The following EPHA3 variants were observed in gnomAD, a reference collection of about 807,000 sequenced individuals.
EPHA3 encodes the protein ephrin type-A receptor 3.
A neutral mutation model predicts 107.1 loss-of-function variants in EPHA3; 42 were observed. That is an observed-to-expected ratio of 0.39 (90% CI 0.31 to 0.51). The LOEUF (loss-of-function observed/expected upper bound fraction) is 0.51. Ranked by LOEUF, EPHA3 falls within the 20% of genes least tolerant of loss-of-function variation. EPHA3 has a pLI of 0.78. For missense variants in EPHA3, 1,183 were observed against 1,211.2 expected (o/e 0.98, Z 0.35); for synonymous variants, 461 against 424.8 (o/e 1.09, Z -1.05).
intron 1 of EPHA3, among the ~76,000 whole-genome samples, chr3:89,121,330 T>C (rs1289873577): frequency 2.6e-5 from 4 of 152,252 alleles, no homozygotes; most frequent in Non-Finnish European, 4.4e-5. Context: ...ATTTCTGTGA[T>C]ATAAAATGCT....
At chr3:89,183,310 T>C (rs1705486890) in intron 2 of EPHA3, among the ~76,000 whole-genome samples, 2 of 151,964 alleles carry the variant, frequency 1.3e-5, no homozygotes, top group African/African-American at 4.8e-5. Context: ...CTGTCTCACA[T>C]GCTTCATTGA....
At chr3:89,249,559 C>T (rs1220414784) in intron 3 of EPHA3, among the ~76,000 whole-genome samples, 12 of 152,206 alleles carry the variant, frequency 7.9e-5, no homozygotes, top group Middle Eastern at 3.4e-3. Flanking sequence ...CTCCTGGGCT[C>T]GAGCAATTCC....
At chr3:89,131,161 AAG>A (rs928341697) in intron 2 of EPHA3, among the ~76,000 whole-genome samples, 5 of 128,334 alleles carry the variant, frequency 3.9e-5, no homozygotes, top group Admixed American at 3.6e-4. Flanking sequence ...TTTTCAATGA[AAG>A]AGTTTTATTT....
At chr3:89,195,000 C>T (rs1336292947) in intron 2 of EPHA3, among the ~76,000 whole-genome samples, 1 of 152,082 alleles carries the variant, frequency 6.6e-6, no homozygotes, top group Admixed American at 6.6e-5. Flanking sequence ...ACAAGCATTT[C>T]ATAATACAGT....
intron 5 of EPHA3, among the ~76,000 whole-genome samples, chr3:89,389,971 C>T (rs534079763): frequency 3.3e-5 from 5 of 152,218 alleles, no homozygotes; most frequent in South Asian, 2.1e-4. Context: ...CTCTACTTCT[C>T]GGCTGAGGTT....
At chr3:89,260,527 GT>G (rs1488940885) in intron 3 of EPHA3, among the ~76,000 whole-genome samples, 2 of 151,884 alleles carry the variant, frequency 1.3e-5, no homozygotes, top group African/African-American at 4.8e-5. Flanking sequence ...TTTAAATCAG[GT>G]TATTTATTTT....
chr3:89,369,323 C>T (rs1708247418), intron 5 of EPHA3, among the ~76,000 whole-genome samples: 3 of 150,606 alleles, frequency 2.0e-5, no homozygotes, highest in African/African-American at 7.3e-5. Flanking sequence ...TGGAACAGAA[C>T]AGAGCCCTCA....
rs570456317 is a variant in EPHA3 at position 89,220,078 on chromosome 3, C to T, written c.814+9558C>T. ...TGGCACCTCCTGTTTAGATGCCACA[C>T]ATGTTGCTAAATATCCTACAATGCA... On this transcript the variant is annotated intron_variant, in intron 3 of 16. Coordinates refer to ENST00000336596, the MANE Select transcript of EPHA3 (RefSeq NM_005233.6). Among the ~76,000 whole-genome samples, 3 of 152,202 alleles carry T rather than the reference C, an allele frequency of 2.0e-5. No individual in the cohort carries two copies. In the East Asian group the frequency reaches 5.8e-4, roughly 30 times the overall value.
At chr3:89,438,305 G>A (rs1419948421) in intron 13 of EPHA3, among the ~76,000 whole-genome samples, 1 of 151,918 alleles carries the variant, frequency 6.6e-6, no homozygotes, top group Non-Finnish European at 1.5e-5. Flanking sequence ...TAGAGACGGG[G>A]TTTCACCATG....
At chr3:89,291,076 C>A (rs1334034967) in intron 3 of EPHA3, among the ~76,000 whole-genome samples, 5 of 152,122 alleles carry the variant, frequency 3.3e-5, no homozygotes, top group African/African-American at 7.2e-5. Flanking sequence ...ATGTTTGACT[C>A]ATCACTGGAA....
Position 89,357,000 on chromosome 3 carries a change from C to T in EPHA3, c.1306+14910C>T, listed in dbSNP as rs773245564. ...TTGTGCATCTGTAATCCCAGCTACT[C>T]GGAAGGCTGAGGCAGGAGAATACTT... On this transcript the variant is annotated intron_variant, in intron 5 of 16. Coordinates refer to ENST00000336596, the MANE Select transcript of EPHA3 (RefSeq NM_005233.6). Among the ~76,000 whole-genome samples, 11 of 142,660 alleles carry T rather than the reference C, an allele frequency of 7.7e-5. 1 individual carries two copies. The highest frequency in any genetic ancestry group is 2.1e-4 in the East Asian group (1 of 4,708). The allele number at this position is 142,660 out of a possible 152,430, so 93.6% of individuals were successfully genotyped here. A position where few individuals can be genotyped will look rare whatever the true frequency, so the allele number is the denominator to read the frequency against.
rs1289074887 is a variant in EPHA3 at position 89,350,384 on chromosome 3, TA to T, written c.1306+8295del. Reference sequence around the variant, plus strand: ...CATTCATTTCATCTTCCATCACTGATACCCTTTCTTCCAGTTGATCACATCG... The same window carrying T: ...CATTCATTTCATCTTCCATCACTGATCCCTTTCTTCCAGTTGATCACATCG... On this transcript the variant is annotated intron_variant, in intron 5 of 16. Coordinates refer to ENST00000336596, the MANE Select transcript of EPHA3 (RefSeq NM_005233.6). Among the ~76,000 whole-genome samples the T allele has an allele frequency of 2.5e-4, 38 of 151,628 alleles. No homozygotes were observed. In the South Asian group the frequency reaches 2.7e-3, roughly 11 times the overall value.
intron 3 of EPHA3, among the ~76,000 whole-genome samples, chr3:89,280,197 C>T (rs1177242798): frequency 1.3e-5 from 2 of 152,026 alleles, no homozygotes; most frequent in Non-Finnish European, 2.9e-5. Flanking sequence ...CAGTAAGGGC[C>T]ATATTTCATA....
chr3:89,257,870 G>A (rs1278388903), intron 3 of EPHA3, among the ~76,000 whole-genome samples: 3 of 151,974 alleles, frequency 2.0e-5, no homozygotes, highest in Non-Finnish European at 4.4e-5. Flanking sequence ...ATCAATGGAT[G>A]CTAAAACCAC....
chr3:89,454,845 T>C (rs1249209381), intron 15 of EPHA3, among the ~76,000 whole-genome samples: 2 of 152,046 alleles, frequency 1.3e-5, no homozygotes, highest in Admixed American at 6.5e-5. Flanking sequence ...TTTTTTTAAA[T>C]GGGCCAGGCA....
At chr3:89,392,058 C>T (rs1432574044) in intron 5 of EPHA3, among the ~76,000 whole-genome samples, 1 of 152,184 alleles carries the variant, frequency 6.6e-6, no homozygotes, top group Non-Finnish European at 1.5e-5. Flanking sequence ...GCACCAGTTT[C>T]TCAGCATCCT....
intron 1 of EPHA3, among the ~76,000 whole-genome samples, chr3:89,108,609 C>T (rs1003703464): frequency 1.3e-5 from 2 of 152,122 alleles, no homozygotes; most frequent in African/African-American, 4.8e-5. Flanking sequence ...CAGCAAATGG[C>T]ATTTCCTTGA....
At chr3:89,114,308 G>A (rs1707197784) in intron 1 of EPHA3, among the ~76,000 whole-genome samples, 1 of 152,132 alleles carries the variant, frequency 6.6e-6, no homozygotes, top group Non-Finnish European at 1.5e-5. Flanking sequence ...GTGGCAACAG[G>A]GAGATGAGCA....
At chr3:89,476,206 T>G (rs1462462602) in intron 16 of EPHA3, among the ~76,000 whole-genome samples, 1 of 147,480 alleles carries the variant, frequency 6.8e-6, no homozygotes, top group Non-Finnish European at 1.5e-5. Flanking sequence ...TATATAAACA[T>G]GTATATATAT....
Sources: allele counts gnomAD v4.1 joint callset (sites outside exome capture counted in the v4.1 genomes callset), GRCh38; gene constraint gnomAD v4.1.1; transcripts MANE v1.5; gene names NCBI Gene and HGNC (gene_info 2026-07-23, HGNC 2026-07-21).